The following TMPRSS3 variants were observed in gnomAD, a reference collection of about 807,000 sequenced individuals.
TMPRSS3 encodes the protein transmembrane protease serine 3.
Under a neutral mutation model 59.6 loss-of-function variants are expected in TMPRSS3, and 55 were observed. The observed-to-expected ratio is 0.92, with a 90% CI of 0.74 to 1.16. The LOEUF is 1.16. TMPRSS3 is among the 50% of genes most tolerant of loss of function. The pLI is 0.00. For synonymous variants in TMPRSS3, 257 were observed against 237.7 expected, an observed-to-expected ratio of 1.08 and a Z score of -0.75; for missense variants, 596 against 579.4, an observed-to-expected ratio of 1.03 and a Z score of -0.29.
intron 10 of TMPRSS3, among the ~76,000 whole-genome samples, chr21:42,377,279 G>A (rs1282436034): frequency 3.9e-5 from 6 of 152,234 alleles, no homozygotes; most frequent in African/African-American, 1.4e-4. Context: ...GGAGGAGCCG[G>A]AGGAGAAGCT....
chr21:42,395,250 G>C, intron 2 of TMPRSS3, 74 bp downstream of exon 2: 1 of 1,272,958 alleles, frequency 7.9e-7, no homozygotes, highest in Non-Finnish European at 1.1e-6. Flanking sequence ...CCCCCACAGG[G>C]ACAGTCAGTC....
At position 42,383,991 on chromosome 21, in the gene TMPRSS3, C is replaced by T. The variant is rs772040483; in HGVS notation, c.595G>A (p.Val199Met). 1.9e-5 allele frequency: 30 copies of T among 1,613,954 alleles called. No homozygotes were observed. The highest frequency in any genetic ancestry group is 5.3e-5 in the African/African-American group (4 of 74,886). ...YVREGCASGH[V>M]VTLQCTACGH... ...TTACCTGTGCACTGCAAGGTAACCA[C>T]GTGGCCAGAGGCACATCCCTCCCTA... Residue 199 changes from valine (V) to methionine (M), a missense_variant, in exon 7 of 13, where the codon GTG becomes ATG. Transcript: ENST00000644384.
intron 9 of TMPRSS3, among the ~76,000 whole-genome samples, chr21:42,380,691 C>T (rs895390525): frequency 6.6e-6 from 1 of 152,226 alleles, no homozygotes; most frequent in African/African-American, 2.4e-5. Flanking sequence ...CTATAGAACA[C>T]GGCTCCATGA....
chr21:42,382,466 G>A lies in TMPRSS3; in HGVS notation c.783-232C>T, dbSNP rs148828278. 399 of 564,038 alleles carry A rather than the reference G, an allele frequency of 7.1e-4. 3 individuals carry two copies. Among genetic ancestry groups the A allele is most frequent in the South Asian group, 5.5e-3 (284 of 51,260 alleles). The allele number at this position is 564,038 out of a possible 1,614,324, so 34.9% of individuals were successfully genotyped here. On this transcript the variant is annotated intron_variant, in intron 8 of 12. Coordinates refer to ENST00000644384, the MANE Select transcript of TMPRSS3 (RefSeq NM_001256317.3). ...CCTCACTCTCAGCACCTCTGAGGTC[G>A]TCTTGGCATTTGAGGGCTGAACTCA...
chr21:42,377,656 T>G (rs575730359), intron 10 of TMPRSS3, among the ~76,000 whole-genome samples: 94 of 152,322 alleles, frequency 6.2e-4, no homozygotes, highest in Non-Finnish European at 1.0e-3. Flanking sequence ...CTCAGCTGGT[T>G]TGTGACCCAG....
At chr21:42,394,466 G>A (rs11203200) in intron 2 of TMPRSS3, among the ~76,000 whole-genome samples, 14,268 of 152,172 alleles carry the variant, frequency 0.094, 768 homozygotes, top group Middle Eastern at 0.16. Context: ...GTAAGTTTTG[G>A]GAGTCAGGTG....
intron 3 of TMPRSS3, 184 bp from the exon 4 acceptor site, chr21:42,389,229 G>GCA: frequency 7.8e-7 from 1 of 1,276,408 alleles, no homozygotes; most frequent in Non-Finnish European, 1.1e-6. Context: ...AAGGGGTGGG[G>GCA]CTGCTGTGCC....
chr21:42,389,211 T>C, intron 3 of TMPRSS3, 166 bp from the exon 4 acceptor site: 1 of 1,452,408 alleles, frequency 6.9e-7, no homozygotes, highest in South Asian at 1.3e-5. Context: ...GTTTCTGTTT[T>C]GAATTCCAAG....
At chr21:42,384,549 T>C (rs1416369346) in intron 6 of TMPRSS3, among the ~76,000 whole-genome samples, 1 of 152,204 alleles carries the variant, frequency 6.6e-6, no homozygotes, top group African/African-American at 2.4e-5. Context: ...TTTCTCATAG[T>C]GAAGGGAAAG....
chr21:42,388,875 G>T lies in TMPRSS3; in HGVS notation c.322+54C>A. The T allele has an allele frequency of 2.0e-6, 3 of 1,463,682 alleles. No homozygotes were observed. Among genetic ancestry groups the T allele is most frequent in the African/African-American group, 1.4e-5 (1 of 72,084 alleles). The allele number at this position is 1,463,682 out of a possible 1,614,324, so 90.7% of individuals were successfully genotyped here. The stretch of plus-strand genomic sequence containing the variant: ...CCATTTTACAGATGGGAAGGGTCAG[G>T]GTTGGCTTCTGCTGCTTCCTTCTGT... On this transcript the variant is annotated intron_variant, in intron 4 of 12. Transcript: ENST00000644384. The surrounding 1 kb of genome is among the most constrained non-coding windows in gnomAD (Gnocchi z 5.1).
chr21:42,382,873 G>A (rs1568883019), intron 8 of TMPRSS3, 160 bp downstream of exon 8: 3 of 828,088 alleles, frequency 3.6e-6, no homozygotes, highest in Non-Finnish European at 5.9e-6. Context: ...GATGATGATG[G>A]GTCCACAGTG....
At chr21:42,381,407 C>G (rs541717537) in intron 9 of TMPRSS3, among the ~76,000 whole-genome samples, 17 of 152,310 alleles carry the variant, frequency 1.1e-4, no homozygotes, top group African/African-American at 4.1e-4. Flanking sequence ...CACCACCTGG[C>G]CAGCCTGGGA....
intron 10 of TMPRSS3, among the ~76,000 whole-genome samples, chr21:42,379,134 C>T (rs2052477735): frequency 6.6e-6 from 1 of 152,026 alleles, no homozygotes; most frequent in African/African-American, 2.4e-5. Flanking sequence ...GGTCCACTTG[C>T]CTCGGCCTCC....
chr21:42,394,024 A>T (rs1034018862), intron 2 of TMPRSS3, among the ~76,000 whole-genome samples: 17 of 152,216 alleles, frequency 1.1e-4, no homozygotes, highest in Non-Finnish European at 2.1e-4. Context: ...GAAATTCAAT[A>T]ATAAATTGCT....
rs574793792 is a variant in TMPRSS3 at position 42,372,707 on chromosome 21, A to T, written c.*55T>A. ...TTCCTACACGGGAGTCCAGGGGAGGATCGGGCTGTCTTCATCACCTCAGGA... is the reference window on the plus strand; with the variant it reads ...TTCCTACACGGGAGTCCAGGGGAGGTTCGGGCTGTCTTCATCACCTCAGGA... On this transcript the variant is annotated 3_prime_UTR_variant, in exon 13 of 13. Transcript: ENST00000644384. The T allele has an allele frequency of 6.2e-7, 1 of 1,603,482 alleles. No individual in the cohort carries two copies. Among genetic ancestry groups the T allele is most frequent in the Non-Finnish European group, 8.5e-7 (1 of 1,170,394 alleles).
At chr21:42,395,669 CA>C (rs138713556) in intron 1 of TMPRSS3, 37,688 of 236,456 alleles carry the variant, frequency 0.16, 185 homozygotes, top group East Asian at 0.21. Flanking sequence ...CTAGAATTAG[CA>C]AAAAAAAAAA....
Position 42,376,577 on chromosome 21 carries a change from G to A in TMPRSS3, c.1155C>T (p.Cys385=), listed in dbSNP as rs746293388. ...CCACGCCACCCGTCAGGTAGCCCGC[G>A]CAGAGCATGGAGGGGGAGATGATGC... The part of the protein sequence containing the change: ...YGGIISPSML[C]AGYLTGGVDS... The change falls in exon 11 of 13, where the codon TGC becomes TGT. Residue 385 remains cysteine, a synonymous_variant. Transcript: ENST00000644384. 223 of 1,613,702 alleles carry A rather than the reference G, an allele frequency of 1.4e-4. No homozygotes were observed. Among genetic ancestry groups the A allele is most frequent in the Admixed American group, 3.7e-4 (22 of 60,008 alleles).
intron 9 of TMPRSS3, 96 bp from the exon 10 acceptor site, chr21:42,380,308 T>C (rs1266636091): frequency 5.0e-6 from 5 of 997,122 alleles, no homozygotes; most frequent in Non-Finnish European, 7.8e-6. Flanking sequence ...GCCCAAACTA[T>C]CTCCCAAGGG....
rs866379476 is a variant in TMPRSS3 at position 42,388,224 on chromosome 21, C to G, written c.446+179G>C. Among the ~76,000 whole-genome samples, 28 of 152,258 alleles carry G rather than the reference C, an allele frequency of 1.8e-4. No individual in the cohort carries two copies. The highest frequency in any genetic ancestry group is 6.8e-4 in the African/African-American group (28 of 41,468). ...GCCTTGAGCAAGTCACTTAGCCTGT[C>G]TGGCCTTGGTTTGCTTGCCTGTGAA... On this transcript the variant is annotated intron_variant, in intron 5 of 12. Coordinates refer to ENST00000644384, the MANE Select transcript of TMPRSS3 (RefSeq NM_001256317.3). This position sits in a 1 kb window ranked among gnomAD's most constrained non-coding sequence, Gnocchi z 5.1.
Sources: gnomAD v4.1 joint callset for allele counts (sites outside exome capture counted in the v4.1 genomes callset) on GRCh38, gnomAD v4.1.1 for gene constraint, Gnocchi (gnomAD v3.1) non-coding constraint, MANE v1.5 for transcripts, NCBI Gene and HGNC (gene_info 2026-07-23, HGNC 2026-07-21) for gene names.